DYSF: variants seen among roughly 807,000 people sequenced by gnomAD.
DYSF encodes the protein dystrophy-associated fer-1-like 1.
Under a neutral mutation model 274.9 loss-of-function variants are expected in DYSF, and 212 were observed. That is an observed-to-expected ratio of 0.77 (90% CI 0.69 to 0.86). The LOEUF is 0.86. Ranked by LOEUF, DYSF falls within the 40% of genes least tolerant of loss-of-function variation. The pLI, the probability that DYSF is intolerant of heterozygous loss-of-function variation, is 0.00. For synonymous variants in DYSF, 1,091 were observed against 1,078.7 expected (o/e 1.01, Z -0.22); for missense variants, 2,666 against 2,783.2 (o/e 0.96, Z 0.95).
intron 1 of DYSF, among the ~76,000 whole-genome samples, chr2:71,471,915 G>A (rs1288305374): frequency 1.3e-5 from 2 of 150,234 alleles, no homozygotes; most frequent in African/African-American, 2.5e-5. Flanking sequence ...GCAGTGAGCC[G>A]AGATCTCACC....
At chr2:71,574,084 T>G (rs1459449982) in intron 29 of DYSF, 114 bp from the exon 30 acceptor site, 4 of 1,335,878 alleles carry the variant, frequency 3.0e-6, no homozygotes, top group Admixed American at 1.8e-5. Flanking sequence ...AGGGCACTAG[T>G]GTGGGAGCTG....
chr2:71,481,078 G>A (rs2082844962), intron 2 of DYSF, 140 bp downstream of exon 2: 2 of 846,824 alleles, frequency 2.4e-6, no homozygotes, highest in East Asian at 2.6e-5. Flanking sequence ...GCCTGCCAAC[G>A]AAATCCTTCT....
At chr2:71,599,089 C>T (rs975769122) in intron 33 of DYSF, among the ~76,000 whole-genome samples, 2 of 152,230 alleles carry the variant, frequency 1.3e-5, no homozygotes, top group African/African-American at 4.8e-5. Context: ...GTACATCAAA[C>T]ACTTACGTTA....
chr2:71,509,244 C>G (rs975095461), intron 4 of DYSF, among the ~76,000 whole-genome samples: 1 of 152,108 alleles, frequency 6.6e-6, no homozygotes, highest in Admixed American at 6.5e-5. Context: ...CTCACTGCAG[C>G]CTTGACCTCC....
At chr2:71,465,960 C>T (rs1443128471), upstream of DYSF, among the ~76,000 whole-genome samples, 4 of 152,234 alleles carry the variant, frequency 2.6e-5, no homozygotes, top group East Asian at 7.7e-4. Flanking sequence ...CAGAATGGGC[C>T]GCAGCTGGAC....
In DYSF at chr2:71,613,377, C is replaced by T; in HGVS notation, c.4431C>T (p.Asp1477=). 1 of 1,613,628 alleles carries T rather than the reference C, an allele frequency of 6.2e-7. No homozygotes were observed. The change falls in exon 40 of 56, where the codon GAC becomes GAT. Residue 1477 remains aspartate (D), a synonymous_variant. Coordinates refer to ENST00000410020, the MANE Select transcript of DYSF (RefSeq NM_001130987.2). ...LLSPGEDVLI[D]IDDKEPLIPI... ...GTCCTGGGGAAGACGTGCTCATCGA[C>T]ATTGATGACAAGGAGCCCCTCATCC...
At chr2:71,660,037 G>A (rs981103414) in intron 44 of DYSF, among the ~76,000 whole-genome samples, 1 of 152,202 alleles carries the variant, frequency 6.6e-6, no homozygotes, top group African/African-American at 2.4e-5. Context: ...ATGGCCAGTG[G>A]GTTGGTTTAT....
At position 71,686,753 on chromosome 2, in the gene DYSF, T is replaced by G. The variant is rs1048629549; in HGVS notation, c.*261T>G. ...TCAGACATATTTCAGTATAAAACAGTTGGAACCACACAGCAGTGTCAGTGT... is the reference window on the plus strand; with the variant it reads ...TCAGACATATTTCAGTATAAAACAGGTGGAACCACACAGCAGTGTCAGTGT... On this transcript the variant is annotated 3_prime_UTR_variant, in exon 56 of 56. Coordinates refer to ENST00000410020, the MANE Select transcript of DYSF (RefSeq NM_001130987.2). The G allele has an allele frequency of 1.9e-5, 10 of 525,564 alleles. No individual in the cohort carries two copies. The Admixed American group carries it at 3.0e-4, about 16-fold the overall frequency. The allele number at this position is 525,564 out of a possible 1,614,324, so 32.6% of individuals were successfully genotyped here.
At chr2:71,531,516 A>G (rs2088701041) in intron 14 of DYSF, among the ~76,000 whole-genome samples, 1 of 151,758 alleles carries the variant, frequency 6.6e-6, no homozygotes, top group South Asian at 2.1e-4. Flanking sequence ...TCCATGATCA[A>G]AGGACATGTA....
At chr2:71,514,808 T>A (rs964021449) in intron 7 of DYSF, among the ~76,000 whole-genome samples, 2 of 152,224 alleles carry the variant, frequency 1.3e-5, no homozygotes, top group Non-Finnish European at 1.5e-5. Flanking sequence ...GCCCCCATAC[T>A]ACTATTCCCC....
chr2:71,587,710 C>A (rs1002396807), intron 30 of DYSF, among the ~76,000 whole-genome samples: 5 of 152,216 alleles, frequency 3.3e-5, no homozygotes, highest in Non-Finnish European at 5.9e-5. Flanking sequence ...CAAAGTCACA[C>A]AGCCAGTAGT....
intron 41 of DYSF, among the ~76,000 whole-genome samples, chr2:71,636,521 G>A (rs2094405636): frequency 6.6e-6 from 1 of 152,142 alleles, no homozygotes; most frequent in Non-Finnish European, 1.5e-5. Flanking sequence ...TGGAAGGAGA[G>A]AGTTGCCATT....
chr2:71,680,245 A>G (rs2095279570), intron 53 of DYSF, among the ~76,000 whole-genome samples: 1 of 152,154 alleles, frequency 6.6e-6, no homozygotes, highest in African/African-American at 2.4e-5. Context: ...AGGGAGGACT[A>G]CTGTATTTTT....
At chr2:71,657,257 C>T (rs2094792449) in intron 43 of DYSF, among the ~76,000 whole-genome samples, 1 of 152,224 alleles carries the variant, frequency 6.6e-6, no homozygotes, top group African/African-American at 2.4e-5. Flanking sequence ...GACTCCAGGT[C>T]TCACATCTAG....
At position 71,511,869 on chromosome 2, in the gene DYSF, C is replaced by G. The variant is rs1182440042; in HGVS notation, c.408C>G (p.Pro136=). 2 of 1,551,590 alleles carry G rather than the reference C, an allele frequency of 1.3e-6. No homozygotes were observed. The highest frequency in any genetic ancestry group is 2.7e-5 in the African/African-American group (2 of 73,066). Residue 136 remains proline (P), a synonymous_variant, in exon 5 of 56, where the codon CCC becomes CCG. Coordinates refer to ENST00000410020, the MANE Select transcript of DYSF (RefSeq NM_001130987.2). The part of the protein sequence containing the change: ...PLPGAVPLFP[P]PTPLEPSPTL... ...CTGGAGCTGTGCCCCTGTTCCCGCC[C>G]CCTACTCCTCTGGAGCCCTCCCCGA...
At chr2:71,514,868 A>C (rs13385529) in intron 7 of DYSF, among the ~76,000 whole-genome samples, 14,687 of 152,094 alleles carry the variant, frequency 0.097, 747 homozygotes, top group African/African-American at 0.13. Context: ...CCATATGTTT[A>C]TTTTAGACAC....
chr2:71,469,939 A>C (rs1165772350), intron 1 of DYSF, among the ~76,000 whole-genome samples: 1 of 152,138 alleles, frequency 6.6e-6, no homozygotes, highest in Non-Finnish European at 1.5e-5. Context: ...CAGTTAGTTC[A>C]TTGAACAAAT....
chr2:71,543,644 G>A lies in DYSF; in HGVS notation c.1576+4405G>A, dbSNP rs1477357063. Among the ~76,000 whole-genome samples, 3 of 152,216 alleles carry A rather than the reference G, an allele frequency of 2.0e-5. 1 individual carries two copies. The highest frequency in any genetic ancestry group is 3.9e-4 in the East Asian group (2 of 5,190). ...GGAGGCGGAGGCTGGCAGATCACTCGCGGTTAGGAGCTGGAGACCAGCCCG... is the reference window on the plus strand; with the variant it reads ...GGAGGCGGAGGCTGGCAGATCACTCACGGTTAGGAGCTGGAGACCAGCCCG... On this transcript the variant is annotated intron_variant, in intron 17 of 55. Coordinates refer to ENST00000410020, the MANE Select transcript of DYSF (RefSeq NM_001130987.2).
At position 71,674,416 on chromosome 2, in the gene DYSF, T is replaced by C. The variant is rs561098495; in HGVS notation, c.5884+120T>C. On this transcript the variant is annotated intron_variant, in intron 52 of 55. Transcript: ENST00000410020. ...TAGCAGGAGGAGTGATCCCACTTTC[T>C]GCTTTCAGGGAGCTCAGGGTCATGT... 10 of 942,008 alleles carry C rather than the reference T, an allele frequency of 1.1e-5. No individual in the cohort carries two copies. The South Asian group carries it at 1.4e-4, about 13-fold the overall frequency. The allele number at this position is 942,008 out of a possible 1,614,324, so 58.4% of individuals were successfully genotyped here.
Sources: gnomAD v4.1 joint callset for allele counts (sites outside exome capture counted in the v4.1 genomes callset) on GRCh38, gnomAD v4.1.1 for gene constraint, MANE v1.5 for transcripts, NCBI Gene and HGNC (gene_info 2026-07-23, HGNC 2026-07-21) for gene names.